The following SSX2IP variants were observed in gnomAD, a reference collection of about 807,000 sequenced individuals.
SSX2IP encodes the protein afadin- and alpha-actinin-binding protein.
A neutral mutation model predicts 84.9 loss-of-function variants in SSX2IP; 55 were observed. That is an observed-to-expected ratio of 0.65 (90% confidence interval 0.52 to 0.81). The LOEUF (loss-of-function observed/expected upper bound fraction) is 0.81, where lower values mean the gene tolerates loss of function less well. SSX2IP is among the 30% of genes least tolerant of loss of function. The pLI is 0.00. For missense variants in SSX2IP, 664 were observed against 705.2 expected (o/e 0.94, Z 0.66); for synonymous variants, 239 against 234.7 (o/e 1.02, Z -0.17).
At chr1:84,666,970 C>T (rs558241721) in intron 4 of SSX2IP, among the ~76,000 whole-genome samples, 1 of 152,254 alleles carries the variant, frequency 6.6e-6, no homozygotes, top group East Asian at 1.9e-4. Flanking sequence ...ATAACTTGCA[C>T]AATTTCTGTA....
chr1:84,657,914 A>G (rs1651363878), intron 9 of SSX2IP, among the ~76,000 whole-genome samples: 1 of 152,102 alleles, frequency 6.6e-6, no homozygotes, highest in African/African-American at 2.4e-5. Context: ...CAGGTGAATC[A>G]CTTGAGGCCA....
At chr1:84,658,947 C>T (rs1035017385) in intron 8 of SSX2IP, among the ~76,000 whole-genome samples, 4 of 151,882 alleles carry the variant, frequency 2.6e-5, no homozygotes, top group African/African-American at 9.7e-5. Context: ...TTCTATTTTC[C>T]TCATATACTT....
rs757969123 is a variant in SSX2IP, at chr1:84,662,487, T to C, written c.717A>G (p.Arg239=). Residue 239 remains arginine (R), a synonymous_variant, in exon 7 of 14, where the codon AGA becomes AGG. Coordinates refer to ENST00000342203, the MANE Select transcript of SSX2IP (RefSeq NM_001166293.2). ...CAGTTTTACCAGTCCTCCAGGAGCC[T>C]CTTTTTCCATCAGCTCTCCCGACAT... is the stretch of plus-strand genomic sequence containing the variant. ...LNYVGRADGK[R]GSWRTGKTEA... 1 of 1,614,054 alleles carries C rather than the reference T, an allele frequency of 6.2e-7. No homozygotes were observed. The highest frequency in any genetic ancestry group is 8.5e-7 in the Non-Finnish European group (1 of 1,179,936).
intron 4 of SSX2IP, among the ~76,000 whole-genome samples, chr1:84,666,451 T>C (rs1269282403): frequency 6.6e-6 from 1 of 152,138 alleles, no homozygotes; most frequent in African/African-American, 2.4e-5. Flanking sequence ...ATATCAAATT[T>C]TGTACACATA....
At chr1:84,650,251 C>A in intron 13 of SSX2IP, 111 bp downstream of exon 13, 2 of 1,072,060 alleles carry the variant, frequency 1.9e-6, no homozygotes, top group Non-Finnish European at 2.9e-6. Context: ...TACTAAATTC[C>A]TCTCCAAAAT....
At chr1:84,680,318 AC>A (rs1654903411) in intron 1 of SSX2IP, 1 of 152,100 alleles carries the variant, frequency 6.6e-6, no homozygotes, top group African/African-American at 2.4e-5. Flanking sequence ...CTGGTTCCAA[AC>A]CCCGGCTTCT....
At chr1:84,683,116 A>C (rs1328770797) in intron 1 of SSX2IP, among the ~76,000 whole-genome samples, 1 of 152,038 alleles carries the variant, frequency 6.6e-6, no homozygotes, top group Non-Finnish European at 1.5e-5. Flanking sequence ...TATCTTTAGT[A>C]CAGGAGAGGG....
rs1175358394 is a variant in SSX2IP, at chr1:84,647,381, T to C, written c.*52A>G. On this transcript the variant is annotated 3_prime_UTR_variant, in exon 14 of 14. Transcript: ENST00000342203. ...CTTTATGACACACCCTGTTTCAACTTAGATGTGAAACTTGATGAACACATT... is the reference window on the plus strand; with the variant it reads ...CTTTATGACACACCCTGTTTCAACTCAGATGTGAAACTTGATGAACACATT... The C allele has an allele frequency of 6.8e-7, 1 of 1,463,046 alleles. No homozygotes were observed. Among genetic ancestry groups the C allele is most frequent in the Non-Finnish European group, 9.2e-7 (1 of 1,089,710 alleles). 90.6% of individuals were successfully genotyped at this position (1,463,046 alleles called of 1,614,324 possible). A position where few individuals can be genotyped will look rare whatever the true frequency, so the allele number is the denominator to read the frequency against.
intron 1 of SSX2IP, among the ~76,000 whole-genome samples, chr1:84,683,102 C>T (rs973004564): frequency 3.3e-5 from 5 of 151,742 alleles, no homozygotes; most frequent in Admixed American, 3.3e-4. Context: ...ACATTACACC[C>T]TACTATCTTT....
intron 4 of SSX2IP, among the ~76,000 whole-genome samples, chr1:84,668,636 T>C (rs1004395242): frequency 1.3e-5 from 2 of 152,168 alleles, no homozygotes; most frequent in African/African-American, 2.4e-5. Flanking sequence ...TGTTCCCATG[T>C]AGGCCAACTC....
chr1:84,669,728 G>C lies in SSX2IP; in HGVS notation c.379C>G (p.Leu127Val), dbSNP rs369772054. 2 of 1,613,624 alleles carry C rather than the reference G, an allele frequency of 1.2e-6. No homozygotes were observed. The highest frequency in any genetic ancestry group is 2.7e-5 in the African/African-American group (2 of 74,894). Residue 127 changes from leucine to valine, a missense_variant, in exon 4 of 14, where the codon CTG becomes GTG. Leu to Val is a conservative substitution (Grantham distance 32). Coordinates refer to ENST00000342203, the MANE Select transcript of SSX2IP (RefSeq NM_001166293.2). The stretch of plus-strand genomic sequence containing the variant: ...TGTAGATGGTCCATATCACTTCCCA[G>C]CTTCAAATTCTGTGTCTCCACATTT... The part of the protein sequence containing the change: ...QENVETQNLK[L>V]GSDMDHLQSC...
chr1:84,656,556 T>TTAAC, intron 9 of SSX2IP, 72 bp from the exon 10 acceptor site: 1 of 1,323,538 alleles, frequency 7.6e-7, no homozygotes, highest in Non-Finnish European at 9.9e-7. Flanking sequence ...GCACATATCT[T>TTAAC]TAAAACAAGG....
Position 84,650,501 on chromosome 1 carries a change from G to A in SSX2IP, c.1531C>T (p.His511Tyr). The A allele has an allele frequency of 1.2e-6, 2 of 1,614,130 alleles. No homozygotes were observed. The highest frequency in any genetic ancestry group is 8.5e-7 in the Non-Finnish European group (1 of 1,180,026). The change falls in exon 13 of 14, where the codon CAC becomes TAC. Residue 511 changes from histidine (H) to tyrosine (Y), a missense_variant. Physicochemically the swap from His to Tyr is moderately conservative, Grantham distance 83. Transcript: ENST00000342203. ...GGCTTCTTTTGCGGCTGCCTCGAGT[G>A]CACTATAAGATTGTCCCAATCAGAA... ...GSSDWDNLIV[H>Y]SRQPQKKPHS...
chr1:84,682,056 A>G (rs746185885), intron 1 of SSX2IP, among the ~76,000 whole-genome samples: 2 of 152,224 alleles, frequency 1.3e-5, no homozygotes, highest in Non-Finnish European at 2.9e-5. Context: ...TCATCTTTCA[A>G]CCTTCAATGA....
In SSX2IP at chr1:84,662,383, A is replaced by G; in HGVS notation, c.750-8T>C. On this transcript the variant is annotated splice_region_variant and splice_polypyrimidine_tract_variant and intron_variant, in intron 7 of 13. Transcript: ENST00000342203. ...TACATTTCATCTTCATTCCTGAGAAAGAAACTGTCAGTATGAAAATGCAGG... is the reference window on the plus strand; with the variant it reads ...TACATTTCATCTTCATTCCTGAGAAGGAAACTGTCAGTATGAAAATGCAGG... The G allele has an allele frequency of 3.1e-6, 5 of 1,606,710 alleles. No individual in the cohort carries two copies. The highest frequency in any genetic ancestry group is 4.2e-6 in the Non-Finnish European group (5 of 1,177,166).
At chr1:84,686,972 T>C (rs1184490482) in intron 1 of SSX2IP, among the ~76,000 whole-genome samples, 3 of 152,110 alleles carry the variant, frequency 2.0e-5, no homozygotes, top group South Asian at 2.1e-4. Flanking sequence ...CGCTCATGGA[T>C]AGATCTAGCA....
chr1:84,651,620 C>T (rs572826207), intron 12 of SSX2IP, among the ~76,000 whole-genome samples: 2 of 152,170 alleles, frequency 1.3e-5, no homozygotes, highest in South Asian at 4.2e-4. Flanking sequence ...CCCAGCTACT[C>T]AGGAGGCTGA....
rs1212105355 is a variant in SSX2IP at position 84,645,111 on chromosome 1, C to T, written c.*2322G>A. The T allele has an allele frequency of 6.6e-6, 1 of 152,170 alleles. No individual in the cohort carries two copies. The highest frequency in any genetic ancestry group is 1.9e-4 in the East Asian group (1 of 5,202). The allele number at this position is 152,170 out of a possible 1,614,324, so 9.4% of individuals were successfully genotyped here. A position where few individuals can be genotyped will look rare whatever the true frequency, so the allele number is the denominator to read the frequency against. On this transcript the variant is annotated 3_prime_UTR_variant, in exon 14 of 14. Transcript: ENST00000342203. ...AACAAGAAAGCACTTATCAGGAGGA[C>T]TTACAAATGGAAGTACACTCTAGAA...
At chr1:84,672,410 T>TAA (rs201868060) in intron 1 of SSX2IP, among the ~76,000 whole-genome samples, 4 of 141,254 alleles carry the variant, frequency 2.8e-5, no homozygotes. Context: ...AGTAGCTAAT[T>TAA]AAAAAAAAAA....
Sources: allele counts gnomAD v4.1 joint callset (sites outside exome capture counted in the v4.1 genomes callset), GRCh38; gene constraint gnomAD v4.1.1; transcripts MANE v1.5; gene names NCBI Gene and HGNC (gene_info 2026-07-23, HGNC 2026-07-21).